COL18A1: variants seen among roughly 807,000 people sequenced by gnomAD.
COL18A1 encodes the protein collagen type XVIII alpha 1 chain.
A neutral mutation model predicts 168.0 loss-of-function variants in COL18A1; 133 were observed. The ratio of observed to expected loss-of-function variants is 0.79; its 90% CI spans 0.69 to 0.91. The LOEUF is 0.91. Among genes scored for constraint, COL18A1 ranks in the 40% least tolerant of loss-of-function variants. The probability of loss-of-function intolerance (pLI) is 0.00; values close to 1 mark genes in which losing one functional copy is unlikely to be tolerated. For missense variants in COL18A1, 2,126 were observed against 1,925.4 expected, an observed-to-expected ratio of 1.10 and a Z score of -1.95; for synonymous variants, 949 against 809.0, an observed-to-expected ratio of 1.17 and a Z score of -2.94.
At chr21:45,422,432 G>T (rs1162082036) in intron 2 of COL18A1, 1 of 528,558 alleles carries the variant, frequency 1.9e-6, no homozygotes, top group Non-Finnish European at 3.9e-6. Flanking sequence ...AGCTTTTGAA[G>T]GGATGGGAGG....
At position 45,482,813 on chromosome 21, in the gene COL18A1, G is replaced by C. The variant is rs763448925; in HGVS notation, c.1693G>C (p.Gly565Arg). The change falls in exon 15 of 42, where the codon GGA becomes CGA. Residue 565 changes from glycine (G) to arginine (R), a missense_variant. By Grantham distance (125) the Gly-to-Arg change is moderately radical (BLOSUM62 -2). Transcript: ENST00000651438. ...CGTACAGGGTGAAGCAGGCGCCCCA[G>C]GACATAAGGTACAAGCAGAATCCCT... ...KGSLGEAGAP[G>R]HKGSKGAPGP... is the part of the protein sequence containing the mutation. The C allele has an allele frequency of 6.2e-7, 1 of 1,614,188 alleles. No homozygotes were observed. Among genetic ancestry groups the C allele is most frequent in the Non-Finnish European group, 8.5e-7 (1 of 1,180,028 alleles).
chr21:45,510,519 C>T (rs1264524325), intron 40 of COL18A1, among the ~76,000 whole-genome samples: 2 of 152,136 alleles, frequency 1.3e-5, no homozygotes, highest in Non-Finnish European at 2.9e-5. Context: ...TGACCCCCCG[C>T]TCCCCCGGCA....
intron 38 of COL18A1, among the ~76,000 whole-genome samples, chr21:45,508,280 G>A (rs924233228): frequency 6.7e-6 from 1 of 149,056 alleles, no homozygotes; most frequent in Non-Finnish European, 1.5e-5. Context: ...GGATGGGTAG[G>A]TAGATGGGGA....
Position 45,468,733 on chromosome 21 carries a change from G to T in COL18A1, c.598G>T (p.Gly200Cys). Residue 200 changes from glycine (G) to cysteine (C), a missense_variant, in exon 3 of 42, where the codon GGC becomes TGC. Gly to Cys is a radical substitution (Grantham distance 159). Coordinates refer to ENST00000651438, the MANE Select transcript of COL18A1 (RefSeq NM_001379500.1). ...CTCACGGGGCCTGGAGCTGGAGCCT[G>T]GCGCCGGGCTCTTCGTGGCTCAGGC... ...RSSRGLELEP[G>C]AGLFVAQAGG... 6.2e-7 allele frequency: 1 copy of T among 1,611,094 alleles called. No homozygotes were observed.
rs535989607 is a variant in COL18A1, at chr21:45,477,331, C to T, written c.929-80C>T. The T allele has an allele frequency of 1.0e-4, 123 of 1,175,054 alleles. No homozygotes were observed. The African/African-American group carries it at 1.1e-3, about 10-fold the overall frequency. The allele number at this position is 1,175,054 out of a possible 1,614,324, so 72.8% of individuals were successfully genotyped here. ...CCAGGACTGAAAGCGTTTGGGCTGC[C>T]GGGGCCGTCTGGGGTGCCGAGAGCA... is the stretch of plus-strand genomic sequence containing the variant. On this transcript the variant is annotated intron_variant, in intron 6 of 41. Transcript: ENST00000651438.
chr21:45,426,585 G>A (rs1024842574), intron 2 of COL18A1, among the ~76,000 whole-genome samples: 3 of 151,866 alleles, frequency 2.0e-5, no homozygotes, highest in Non-Finnish European at 2.9e-5. Flanking sequence ...GTGGGAGAGC[G>A]CAGGTCCCTT....
rs61524180 is a variant in COL18A1 at position 45,448,936 on chromosome 21, C to G, written c.107-19306C>G. ...TTCTATGGGGGTGTCTGACCCGCAG[C>G]CTGGACTCACCCACCTGCCTGCTCG... On this transcript the variant is annotated intron_variant, in intron 2 of 41. Coordinates refer to ENST00000651438, the MANE Select transcript of COL18A1 (RefSeq NM_001379500.1). Among the ~76,000 whole-genome samples the G allele has an allele frequency of 5.4e-3, 826 of 152,296 alleles. 12 individuals are homozygous for G. The highest frequency in any genetic ancestry group is 0.019 in the African/African-American group (798 of 41,558).
intron 2 of COL18A1, among the ~76,000 whole-genome samples, chr21:45,406,950 C>G (rs1430696920): frequency 6.6e-6 from 1 of 152,216 alleles, no homozygotes; most frequent in Non-Finnish European, 1.5e-5. Flanking sequence ...CTCTTCTGTC[C>G]CGGGCCTGCC....
intron 25 of COL18A1, 100 bp from the exon 26 acceptor site, chr21:45,493,401 C>G (rs2036426930): frequency 7.6e-7 from 1 of 1,311,798 alleles, no homozygotes; most frequent in Non-Finnish European, 1.1e-6. Flanking sequence ...AGGACCCAGC[C>G]TGCGAGGCCC....
At position 45,497,103 on chromosome 21, in the gene COL18A1, T is replaced by C. The variant is rs2146012304; in HGVS notation, c.2620+11T>C. Reference sequence around the variant, plus strand: ...CTCCAGGATTGCCAGGTGAGGGTCCTGGGCTCACAGCTGGGGACACAGGCT... The same window carrying C: ...CTCCAGGATTGCCAGGTGAGGGTCCCGGGCTCACAGCTGGGGACACAGGCT... On this transcript the variant is annotated intron_variant, in intron 31 of 41. Transcript: ENST00000651438. 11 of 1,550,450 alleles carry C rather than the reference T, an allele frequency of 7.1e-6. No homozygotes were observed. The highest frequency in any genetic ancestry group is 9.7e-6 in the Non-Finnish European group (11 of 1,131,772).
At chr21:45,481,931 A>G (rs1377065677) in intron 13 of COL18A1, 32 bp from the exon 14 acceptor site, 4 of 1,546,432 alleles carry the variant, frequency 2.6e-6, no homozygotes, top group East Asian at 2.2e-5. Flanking sequence ...GCCGAATGCC[A>G]TCAAGACCCA....
chr21:45,405,220 C>T lies in COL18A1; in HGVS notation c.-11C>T. 2 of 346,590 alleles carry T rather than the reference C, an allele frequency of 5.8e-6. No individual in the cohort carries two copies. The highest frequency in any genetic ancestry group is 4.9e-6 in the Non-Finnish European group (1 of 202,208). 21.5% of individuals were successfully genotyped at this position (346,590 alleles called of 1,614,324 possible). A position where few individuals can be genotyped will look rare whatever the true frequency, so the allele number is the denominator to read the frequency against. ...GCAGCATCCCGCGGCGCTGACGGTCCTGGGGAGAGCATGGCGCCGAGGTGA... is the reference window on the plus strand; with the variant it reads ...GCAGCATCCCGCGGCGCTGACGGTCTTGGGGAGAGCATGGCGCCGAGGTGA... On this transcript the variant is annotated 5_prime_UTR_variant, in exon 1 of 42. Transcript: ENST00000651438.
intron 2 of COL18A1, among the ~76,000 whole-genome samples, chr21:45,451,480 C>T (rs2034620665): frequency 6.6e-6 from 1 of 152,180 alleles, no homozygotes; most frequent in Non-Finnish European, 1.5e-5. Flanking sequence ...TTGTGGGGTG[C>T]CGCCTTTCCG....
chr21:45,503,998 C>G lies in COL18A1; in HGVS notation c.2684-13C>G. On this transcript the variant is annotated splice_polypyrimidine_tract_variant and intron_variant, in intron 32 of 41. Coordinates refer to ENST00000651438, the MANE Select transcript of COL18A1 (RefSeq NM_001379500.1). Reference sequence around the variant, plus strand: ...ACCACCTCAGCGAGACCCCGCCTGTCTCTCTCTTGCAGGGCAGTTTCCGTT... The same window carrying G: ...ACCACCTCAGCGAGACCCCGCCTGTGTCTCTCTTGCAGGGCAGTTTCCGTT... 6.2e-7 allele frequency: 1 copy of G among 1,609,290 alleles called. No individual in the cohort carries two copies. The highest frequency in any genetic ancestry group is 8.5e-7 in the Non-Finnish European group (1 of 1,179,920).
At chr21:45,448,864 C>T (rs1168002751) in intron 2 of COL18A1, among the ~76,000 whole-genome samples, 1 of 152,216 alleles carries the variant, frequency 6.6e-6, no homozygotes, top group Non-Finnish European at 1.5e-5. Flanking sequence ...CCCTGCCCGC[C>T]CCCGCTGCCC....
At chr21:45,500,195 GGAGT>G (rs1273212942) in intron 32 of COL18A1, among the ~76,000 whole-genome samples, 1 of 130,180 alleles carries the variant, frequency 7.7e-6, no homozygotes, top group Non-Finnish European at 1.6e-5. Context: ...GGGTGTGTGT[GGAGT>G]GTGTGTGGCT....
At chr21:45,511,262 C>A in intron 41 of COL18A1, 36 bp downstream of exon 41, 1 of 1,227,848 alleles carries the variant, frequency 8.1e-7, no homozygotes, top group Non-Finnish European at 1.2e-6. Context: ...GCTCTGAGAG[C>A]CCCAGCCAGG....
chr21:45,452,066 G>A (rs1286888134), intron 2 of COL18A1, among the ~76,000 whole-genome samples: 1 of 152,256 alleles, frequency 6.6e-6, no homozygotes, highest in Non-Finnish European at 1.5e-5. Context: ...TTGTGCCTCA[G>A]CTTCTCTGCT....
rs766863382 is a variant in COL18A1 at position 45,510,150 on chromosome 21, G to A, written c.3582G>A (p.Arg1194=). The change falls in exon 40 of 42, where the codon CGG becomes CGA. Residue 1194 remains arginine (R), a synonymous_variant. Coordinates refer to ENST00000651438, the MANE Select transcript of COL18A1 (RefSeq NM_001379500.1). ...ACTTCCAGTGCTTCCAGCAGGCGCGGGCCGTGGGGCTGGCGGGCACCTTCC... is the reference window on the plus strand; with the variant it reads ...ACTTCCAGTGCTTCCAGCAGGCGCGAGCCGTGGGGCTGGCGGGCACCTTCC... ...GADFQCFQQA[R]AVGLAGTFRA... is the part of the protein sequence containing the mutation. The A allele has an allele frequency of 4.5e-5, 72 of 1,599,024 alleles. 1 individual carries two copies. In the East Asian group the frequency reaches 1.6e-3, roughly 36 times the overall value.
Sources: gnomAD v4.1 joint callset for allele counts (sites outside exome capture counted in the v4.1 genomes callset) on GRCh38, gnomAD v4.1.1 for gene constraint, MANE v1.5 for transcripts, NCBI Gene and HGNC (gene_info 2026-07-23, HGNC 2026-07-21) for gene names.